The following TRIO variants were observed in gnomAD, a reference collection of about 807,000 sequenced individuals.
TRIO encodes trio Rho guanine nucleotide exchange factor, also known as triple functional domain protein.
A neutral mutation model predicts 351.9 loss-of-function variants in TRIO; 58 were observed. That is an observed-to-expected ratio of 0.16 (90% CI 0.13 to 0.21). The LOEUF (loss-of-function observed/expected upper bound fraction) is 0.21, where lower values mean the gene tolerates loss of function less well. TRIO is among the 10% of genes least tolerant of loss of function. The probability of loss-of-function intolerance (pLI) is 1.00; values close to 1 mark genes in which losing one functional copy is unlikely to be tolerated. For missense variants in TRIO, 3,201 were observed against 4,027.8 expected, an observed-to-expected ratio of 0.79 and a Z score of 5.56; for synonymous variants, 1,758 against 1,595.7, an observed-to-expected ratio of 1.10 and a Z score of -2.42.
intron 29 of TRIO, among the ~76,000 whole-genome samples, chr5:14,397,834 T>A (rs1747740766): frequency 6.6e-6 from 1 of 152,104 alleles, no homozygotes; most frequent in Non-Finnish European, 1.5e-5. Flanking sequence ...GATTTTTCTT[T>A]CTCTGATATA....
intron 15 of TRIO, among the ~76,000 whole-genome samples, chr5:14,365,474 C>A (rs1375843983): frequency 1.3e-5 from 2 of 152,162 alleles, no homozygotes; most frequent in Non-Finnish European, 2.9e-5. Flanking sequence ...GTAGGTGGCA[C>A]TCACATCAGA....
chr5:14,352,949 G>A (rs947917573), intron 11 of TRIO, among the ~76,000 whole-genome samples: 5 of 151,970 alleles, frequency 3.3e-5, no homozygotes, highest in Non-Finnish European at 5.9e-5. Context: ...GATTCATGGC[G>A]CTTCCCCTAG....
intron 41 of TRIO, 175 bp downstream of exon 41, chr5:14,477,138 C>T: frequency 5.1e-6 from 3 of 584,736 alleles, no homozygotes; most frequent in South Asian, 2.4e-5. Context: ...ACATGAGTTA[C>T]CTGCTTTCCC....
chr5:14,506,630 A>C (rs1757707607), intron 55 of TRIO, among the ~76,000 whole-genome samples: 1 of 152,010 alleles, frequency 6.6e-6, no homozygotes, highest in African/African-American at 2.4e-5. Context: ...TAGTATGAAC[A>C]GTAGTTTCAG....
At position 14,488,155 on chromosome 5, in the gene TRIO, C is replaced by A; in HGVS notation, c.7527C>A (p.Leu2509=). Residue 2509 remains leucine (L), a synonymous_variant, in exon 48 of 57, where the codon CTC becomes CTA. Transcript: ENST00000344204. ...SFTFPGDSDS[L]QRQTPRHAAP... ...CCTTCCCGGGGGACAGCGACTCCCT[C>A]CAGCGGCAGACACCCCGCCACGCGG... 1 of 1,606,298 alleles carries A rather than the reference C, an allele frequency of 6.2e-7. No individual in the cohort carries two copies. The highest frequency in any genetic ancestry group is 2.2e-5 in the East Asian group (1 of 44,840).
At chr5:14,277,999 T>C (rs549655071) in intron 2 of TRIO, among the ~76,000 whole-genome samples, 1 of 152,344 alleles carries the variant, frequency 6.6e-6, no homozygotes, top group East Asian at 1.9e-4. Flanking sequence ...TCCCAGTGAA[T>C]TTTCTGAAGT....
chr5:14,304,348 T>C, intron 7 of TRIO, 113 bp from the exon 8 acceptor site: 1 of 1,126,854 alleles, frequency 8.9e-7, no homozygotes, highest in Non-Finnish European at 1.3e-6. Flanking sequence ...TCAACCATGT[T>C]AAATTCTTAG....
chr5:14,327,019 C>T (rs546503029), intron 9 of TRIO, among the ~76,000 whole-genome samples: 2 of 152,226 alleles, frequency 1.3e-5, no homozygotes, highest in East Asian at 3.9e-4. Context: ...TACGATTTCA[C>T]CTGGTATTTA....
chr5:14,179,934 T>G (rs1789649225), intron 1 of TRIO, among the ~76,000 whole-genome samples: 1 of 151,264 alleles, frequency 6.6e-6, no homozygotes, highest in Non-Finnish European at 1.5e-5. Flanking sequence ...TCGTCTCTAC[T>G]AAAAAAATAC....
intron 34 of TRIO, among the ~76,000 whole-genome samples, chr5:14,447,305 TA>T (rs1752510213): frequency 1.3e-5 from 2 of 152,180 alleles, no homozygotes. Flanking sequence ...TTTTTCCCCT[TA>T]ATGCTGTTAT....
Position 14,454,784 on chromosome 5 carries a change from C to T in TRIO, c.5204-6235C>T, listed in dbSNP as rs996842686. 3.3e-5 allele frequency among the ~76,000 whole-genome samples: 5 copies of T among 152,226 alleles called. No individual in the cohort carries two copies. The South Asian group carries it at 8.3e-4, about 25-fold the overall frequency. On this transcript the variant is annotated intron_variant, in intron 34 of 56. Coordinates refer to ENST00000344204, the MANE Select transcript of TRIO (RefSeq NM_007118.4). ...TCCGAAATTGTTGGGTTCTTGGTCTCACTGACTTCAAGAATGAAGCCGTGG... is the reference window on the plus strand; with the variant it reads ...TCCGAAATTGTTGGGTTCTTGGTCTTACTGACTTCAAGAATGAAGCCGTGG...
In TRIO at chr5:14,498,566, A is replaced by G; in HGVS notation, c.8258A>G (p.Asp2753Gly). 6.2e-7 allele frequency: 1 copy of G among 1,613,794 alleles called. No individual in the cohort carries two copies. Among genetic ancestry groups the G allele is most frequent in the Non-Finnish European group, 8.5e-7 (1 of 1,179,882 alleles). The change falls in exon 53 of 57, where the codon GAT becomes GGT. Residue 2753 changes from aspartate to glycine, a missense_variant. Around this residue, in one of 19 missense-constraint regions of TRIO, gnomAD observed 1,089 missense variants for 954.9 expected, o/e 1.14. Transcript: ENST00000344204. ...TLKIVGVTTE[D>G]DGIYTCIAVN... ...AAGATTGTGGGCGTGACCACGGAAG[A>G]TGACGGCATCTACACGTGCATCGCT...
chr5:14,273,040 C>T (rs755506495), intron 2 of TRIO, among the ~76,000 whole-genome samples: 1 of 152,064 alleles, frequency 6.6e-6, no homozygotes, highest in Non-Finnish European at 1.5e-5. Context: ...GCAACTGTTA[C>T]CACTAATTCC....
Position 14,143,625 on chromosome 5 carries a change from G to A in TRIO, c.-101G>A. The A allele has an allele frequency of 2.4e-6, 1 of 425,274 alleles. No homozygotes were observed. Among genetic ancestry groups the A allele is most frequent in the Non-Finnish European group, 3.1e-6 (1 of 321,204 alleles). 26.3% of individuals were successfully genotyped at this position (425,274 alleles called of 1,614,324 possible). ...TGCGTCCGCGCGCCGGGCGCGGGCA[G>A]CTGGGTGCTCGGCGCCGCCAGGCCC... On this transcript the variant is annotated 5_prime_UTR_variant, in exon 1 of 57. Coordinates refer to ENST00000344204, the MANE Select transcript of TRIO (RefSeq NM_007118.4).
chr5:14,410,230 C>T (rs371276505), intron 33 of TRIO, among the ~76,000 whole-genome samples: 6 of 152,252 alleles, frequency 3.9e-5, no homozygotes, highest in East Asian at 3.9e-4. Context: ...CGTACCCATG[C>T]GGCCTTACAA....
intron 54 of TRIO, among the ~76,000 whole-genome samples, chr5:14,503,205 T>A (rs1757418919): frequency 6.6e-6 from 1 of 152,200 alleles, no homozygotes; most frequent in Non-Finnish European, 1.5e-5. Flanking sequence ...CATTCAGGTG[T>A]TGTGTCCCAT....
chr5:14,143,766 C>T lies in TRIO; in HGVS notation c.41C>T (p.Ser14Phe), dbSNP rs905287265. Residue 14 changes from serine to phenylalanine, a missense_variant, in exon 1 of 57, where the codon TCC becomes TTC. Ser to Phe is a radical substitution (Grantham distance 155). Transcript: ENST00000344204. ...SSGGAAAPAA[S>F]SGPAAAASAA... Reference sequence around the variant, plus strand: ...GGCGGAGCCGCCGCCCCCGCCGCGTCCTCCGGCCCCGCCGCGGCGGCCAGC... The same window carrying T: ...GGCGGAGCCGCCGCCCCCGCCGCGTTCTCCGGCCCCGCCGCGGCGGCCAGC... 2,218 of 1,002,186 alleles carry T rather than the reference C, an allele frequency of 2.2e-3. 3 individuals are homozygous for T. The highest frequency in any genetic ancestry group is 2.5e-3 in the Non-Finnish European group (2,130 of 842,772). The allele number at this position is 1,002,186 out of a possible 1,614,324, so 62.1% of individuals were successfully genotyped here.
intron 11 of TRIO, among the ~76,000 whole-genome samples, chr5:14,340,544 A>G (rs1416177988): frequency 6.6e-6 from 1 of 152,078 alleles, no homozygotes; most frequent in Non-Finnish European, 1.5e-5. Flanking sequence ...TCCTCACTTT[A>G]TCTGGAGTAT....
chr5:14,509,012 A>G lies in TRIO; in HGVS notation c.*590A>G, dbSNP rs1245782784. Reference sequence around the variant, plus strand: ...CTGATGAAATGTAGGCCTTACTTGTATATAAGACTGTTCCTGCCTTCGGTC... The same window carrying G: ...CTGATGAAATGTAGGCCTTACTTGTGTATAAGACTGTTCCTGCCTTCGGTC... On this transcript the variant is annotated 3_prime_UTR_variant, in exon 57 of 57. Coordinates refer to ENST00000344204, the MANE Select transcript of TRIO (RefSeq NM_007118.4). 1 of 183,990 alleles carries G rather than the reference A, an allele frequency of 5.4e-6. No homozygotes were observed. 11.4% of individuals were successfully genotyped at this position (183,990 alleles called of 1,614,324 possible). A position where few individuals can be genotyped will look rare whatever the true frequency, so the allele number is the denominator to read the frequency against.
Sources: gnomAD v4.1 joint callset for allele counts (sites outside exome capture counted in the v4.1 genomes callset) on GRCh38, gnomAD v4.1.1 for gene constraint, gnomAD v4.1.1 regional missense constraint, MANE v1.5 for transcripts, NCBI Gene and HGNC (gene_info 2026-07-23, HGNC 2026-07-21) for gene names.